The following PPP3CC variants were observed in gnomAD, a reference collection of about 807,000 sequenced individuals.
PPP3CC encodes protein phosphatase 3 catalytic subunit gamma.
Under a neutral mutation model 60.3 loss-of-function variants are expected in PPP3CC, and 35 were observed. The observed-to-expected ratio is 0.58, with a 90% CI of 0.44 to 0.77. The LOEUF is 0.77. Among genes scored for constraint, PPP3CC ranks in the 30% least tolerant of loss-of-function variants. The probability of loss-of-function intolerance (pLI) is 0.00; values close to 1 mark genes in which losing one functional copy is unlikely to be tolerated. For synonymous variants in PPP3CC, 206 were observed against 224.3 expected (o/e 0.92, Z 0.73); for missense variants, 570 against 628.9 (o/e 0.91, Z 1.00).
At chr8:22,463,106 A>T (rs945611512) in intron 1 of PPP3CC, among the ~76,000 whole-genome samples, 29 of 152,220 alleles carry the variant, frequency 1.9e-4, no homozygotes, top group African/African-American at 7.0e-4. Flanking sequence ...GTTATCTGTT[A>T]GCAGCCTAAA....
At chr8:22,537,804 C>T (rs1404492465) in intron 12 of PPP3CC, among the ~76,000 whole-genome samples, 2 of 152,122 alleles carry the variant, frequency 1.3e-5, no homozygotes, top group Non-Finnish European at 2.9e-5. Context: ...CACTACAGAC[C>T]ACATATTATA....
At chr8:22,465,505 G>T (rs1251914564) in intron 1 of PPP3CC, among the ~76,000 whole-genome samples, 44 of 152,290 alleles carry the variant, frequency 2.9e-4, no homozygotes, top group Non-Finnish European at 5.9e-5. Flanking sequence ...GGCCTAATGA[G>T]AGGTGTTTAG....
intron 1 of PPP3CC, among the ~76,000 whole-genome samples, chr8:22,461,560 CCTAA>C (rs574602038): frequency 3.9e-5 from 6 of 151,960 alleles, no homozygotes; most frequent in Admixed American, 2.0e-4. Context: ...TCTTCCTATT[CCTAA>C]CTGTCAGCCA....
intron 1 of PPP3CC, among the ~76,000 whole-genome samples, chr8:22,444,782 G>T (rs1237968518): frequency 6.6e-6 from 1 of 152,152 alleles, no homozygotes; most frequent in African/African-American, 2.4e-5. Flanking sequence ...ATGCACTGGG[G>T]CACCATAACT....
chr8:22,446,589 C>T (rs1040096251), intron 1 of PPP3CC, among the ~76,000 whole-genome samples: 3 of 152,114 alleles, frequency 2.0e-5, no homozygotes, highest in East Asian at 1.9e-4. Flanking sequence ...TTTGGGAAGC[C>T]GAGGTGGGTG....
intron 1 of PPP3CC, among the ~76,000 whole-genome samples, chr8:22,453,888 T>G (rs1437318093): frequency 1.3e-5 from 2 of 152,190 alleles, no homozygotes; most frequent in African/African-American, 4.8e-5. Context: ...TGGAGGGCAC[T>G]TAACATGAAT....
chr8:22,500,098 C>A (rs185724935), intron 4 of PPP3CC, among the ~76,000 whole-genome samples: 7 of 152,254 alleles, frequency 4.6e-5, no homozygotes, highest in Admixed American at 4.6e-4. Flanking sequence ...AAAAGAATTT[C>A]TGGGTTAGGG....
At chr8:22,525,456 CTTTCT>C (rs1839517409) in intron 8 of PPP3CC, among the ~76,000 whole-genome samples, 2 of 150,378 alleles carry the variant, frequency 1.3e-5, no homozygotes, top group African/African-American at 2.5e-5. Flanking sequence ...TTCTCTCTCT[CTTTCT>C]TTTCTTTCTT....
At chr8:22,472,363 AACACACACACACACACAC>A (rs71546810) in intron 1 of PPP3CC, among the ~76,000 whole-genome samples, 68 of 125,718 alleles carry the variant, frequency 5.4e-4, no homozygotes, top group African/African-American at 2.0e-3. Flanking sequence ...GGTAAAAATG[AACACACACACACACACAC>A]ACACACACAC....
At chr8:22,441,479 T>TC in intron 1 of PPP3CC, 21 bp downstream of exon 1, 2 of 1,524,046 alleles carry the variant, frequency 1.3e-6, no homozygotes, top group Non-Finnish European at 1.8e-6. Context: ...GGCCGGGCCT[T>TC]CCTCTGGGAC....
At chr8:22,501,282 A>C (rs1010066134) in intron 4 of PPP3CC, among the ~76,000 whole-genome samples, 1 of 152,264 alleles carries the variant, frequency 6.6e-6, no homozygotes, top group African/African-American at 2.4e-5. Context: ...TTTATTATGC[A>C]GATTGTGTTA....
chr8:22,532,130 A>AT, intron 10 of PPP3CC, 95 bp from the exon 11 acceptor site: 1 of 841,174 alleles, frequency 1.2e-6, no homozygotes. Flanking sequence ...TTTAAAAACA[A>AT]TTGTTTCTTT....
intron 1 of PPP3CC, among the ~76,000 whole-genome samples, chr8:22,447,128 C>G (rs112141493): frequency 6.6e-6 from 1 of 151,064 alleles, no homozygotes; most frequent in South Asian, 2.1e-4. Context: ...CTCAGCCTCC[C>G]GAGTAGTTGG....
intron 3 of PPP3CC, among the ~76,000 whole-genome samples, chr8:22,489,472 G>A (rs1838315333): frequency 6.6e-6 from 1 of 150,514 alleles, no homozygotes; most frequent in Non-Finnish European, 1.5e-5. Context: ...ATGATTCTCA[G>A]ATTGTCAACA....
intron 3 of PPP3CC, among the ~76,000 whole-genome samples, chr8:22,482,874 A>G (rs1453767809): frequency 2.0e-5 from 3 of 152,226 alleles, no homozygotes; most frequent in Non-Finnish European, 2.9e-5. Flanking sequence ...GGCTTTTAAG[A>G]TAAACCTCTT....
chr8:22,534,584 C>T (rs1291805630), intron 12 of PPP3CC, among the ~76,000 whole-genome samples: 2 of 152,234 alleles, frequency 1.3e-5, no homozygotes, highest in Non-Finnish European at 2.9e-5. Flanking sequence ...AGCAGTTCCA[C>T]ACCTGGTGTA....
rs1304700355 is a variant in PPP3CC, at chr8:22,497,990, T to C, written c.373-11T>C. On this transcript the variant is annotated splice_polypyrimidine_tract_variant and intron_variant, in intron 3 of 13. Coordinates refer to ENST00000240139, the MANE Select transcript of PPP3CC (RefSeq NM_005605.5). The stretch of plus-strand genomic sequence containing the variant: ...CACAAAGAAAATTTTATGCTTGAAT[T>C]TGTCTTGTAGTGTGTGCTGTATTTA... 3 of 1,563,422 alleles carry C rather than the reference T, an allele frequency of 1.9e-6. No homozygotes were observed. In the South Asian group the frequency reaches 3.5e-5, roughly 18 times the overall value.
At chr8:22,492,984 C>T (rs1838452856) in intron 3 of PPP3CC, 1 of 1,274,372 alleles carries the variant, frequency 7.8e-7, no homozygotes, top group South Asian at 1.2e-5. Flanking sequence ...TCTGCCCAAA[C>T]AGTCTGTGAA....
At chr8:22,526,093 C>G (rs557909375) in intron 8 of PPP3CC, among the ~76,000 whole-genome samples, 2 of 152,110 alleles carry the variant, frequency 1.3e-5, no homozygotes, top group Non-Finnish European at 2.9e-5. Context: ...GTCTCAATCT[C>G]CTGAGCTCAG....
Sources: gnomAD v4.1 joint callset for allele counts (sites outside exome capture counted in the v4.1 genomes callset) on GRCh38, gnomAD v4.1.1 for gene constraint, MANE v1.5 for transcripts, NCBI Gene and HGNC (gene_info 2026-07-23, HGNC 2026-07-21) for gene names.